ARAP2: variants seen among roughly 807,000 people sequenced by gnomAD.
The protein encoded by ARAP2 is arf-GAP with Rho-GAP domain, ANK repeat and PH domain-containing protein 2.
In ARAP2, 148 loss-of-function variants were observed where a neutral mutation model predicts 194.5. The ratio of observed to expected loss-of-function variants is 0.76; its 90% CI spans 0.67 to 0.87. The LOEUF (loss-of-function observed/expected upper bound fraction) is 0.87. ARAP2 is among the 40% of genes least tolerant of loss of function. The pLI is 0.00. For missense variants in ARAP2, 2,128 were observed against 1,989.7 expected, an observed-to-expected ratio of 1.07 and a Z score of -1.32; for synonymous variants, 695 against 683.5, an observed-to-expected ratio of 1.02 and a Z score of -0.26.
chr4:36,124,858 C>T lies in ARAP2; in HGVS notation c.3746+4G>A. The T allele has an allele frequency of 6.4e-7, 1 of 1,571,762 alleles. No homozygotes were observed. The highest frequency in any genetic ancestry group is 2.3e-5 in the East Asian group (1 of 43,920). On this transcript the variant is annotated splice_donor_region_variant and intron_variant, in intron 22 of 32. Coordinates refer to ENST00000303965, the MANE Select transcript of ARAP2 (RefSeq NM_015230.4). Reference sequence around the variant, plus strand: ...TGTCGAGAAAAGTTCATTCATCTACCCACCTATACAGGTGTTCAATGATAG... The same window carrying T: ...TGTCGAGAAAAGTTCATTCATCTACTCACCTATACAGGTGTTCAATGATAG...
intron 10 of ARAP2, chr4:36,005,504 C>T (rs1216018178): frequency 6.6e-6 from 1 of 151,910 alleles, no homozygotes; most frequent in Non-Finnish European, 1.5e-5. Context: ...ATTCAGGTGG[C>T]TTTATAAGAA....
rs73809127 is a variant in ARAP2, at chr4:36,139,035, T to G, written c.3264-5646A>C. On this transcript the variant is annotated intron_variant, in intron 19 of 32. Coordinates refer to ENST00000303965, the MANE Select transcript of ARAP2 (RefSeq NM_015230.4). ...GTTTTTGTCTTCTAGTTATATGTAT[T>G]CTGTCCATGTTTTGGATATGAGTGC... is the stretch of plus-strand genomic sequence containing the variant. 5.3e-3 allele frequency among the ~76,000 whole-genome samples: 803 copies of G among 151,824 alleles called. 11 individuals carry two copies. The highest frequency in any genetic ancestry group is 0.018 in the African/African-American group (756 of 41,488).
intron 5 of ARAP2, among the ~76,000 whole-genome samples, chr4:36,034,060 T>C (rs1200422308): frequency 6.6e-6 from 1 of 152,158 alleles, no homozygotes; most frequent in African/African-American, 2.4e-5. Flanking sequence ...CAATGTAGTA[T>C]AGTTTGAACT....
In ARAP2 at chr4:36,179,267, G is replaced by A. The variant is rs564093379; in HGVS notation, c.1679-1262C>T. Reference sequence around the variant, plus strand: ...AAATTGAAATACAATGACTAATGAGGAATTAAGGCATTTAGGAGAGTGAAA... The same window carrying A: ...AAATTGAAATACAATGACTAATGAGAAATTAAGGCATTTAGGAGAGTGAAA... On this transcript the variant is annotated intron_variant, in intron 8 of 32. Coordinates refer to ENST00000303965, the MANE Select transcript of ARAP2 (RefSeq NM_015230.4). Among the ~76,000 whole-genome samples the A allele has an allele frequency of 1.1e-4, 16 of 152,256 alleles. No individual in the cohort carries two copies. The East Asian group carries it at 2.9e-3, about 28-fold the overall frequency.
At position 36,114,246 on chromosome 4, in the gene ARAP2, T is replaced by A. The variant is rs749089050; in HGVS notation, c.4080A>T (p.Ile1360=). The change falls in exon 26 of 33, where the codon ATA becomes ATT. Residue 1360 remains isoleucine (I), a synonymous_variant. Transcript: ENST00000303965. ...TAGGAATAATATTTTTTATCGCTAA[T>A]ATATCATTAGTTAATTCTTCTGCTT... ...VMEAEELTND[I]LAIKNIIPTK... 1 of 1,599,478 alleles carries A rather than the reference T, an allele frequency of 6.3e-7. No individual in the cohort carries two copies. Among genetic ancestry groups the A allele is most frequent in the Non-Finnish European group, 8.6e-7 (1 of 1,168,732 alleles).
chr4:36,044,730 C>A (rs1047222274), intron 5 of ARAP2, among the ~76,000 whole-genome samples: 2 of 151,824 alleles, frequency 1.3e-5, no homozygotes, highest in African/African-American at 4.8e-5. Flanking sequence ...TTTTGTATAG[C>A]AAAGTAAACA....
chr4:36,147,965 C>G (rs1019389344), intron 17 of ARAP2, among the ~76,000 whole-genome samples: 1 of 152,050 alleles, frequency 6.6e-6, no homozygotes, highest in Non-Finnish European at 1.5e-5. Context: ...ATTTTTCTTG[C>G]TATGTATAGA....
intron 8 of ARAP2, among the ~76,000 whole-genome samples, chr4:36,185,166 A>AT (rs1435181462): frequency 6.6e-6 from 1 of 152,190 alleles, no homozygotes; most frequent in African/African-American, 2.4e-5. Flanking sequence ...ACAAGACTTT[A>AT]TTTACCAAAA....
rs763206081 is a variant in ARAP2, at chr4:36,082,275, G to A, written c.4520C>T (p.Thr1507Ile). The change falls in exon 30 of 33, where the codon ACC becomes ATC. Residue 1507 changes from threonine to isoleucine, a missense_variant. Thr to Ile is a moderately conservative substitution (Grantham distance 89). Transcript: ENST00000303965. ...CCAGTGATGTTTCTCAGAATATGCG[G>A]TCAATCCCCAGCTGCATCACATAGA... ...KMKPPTSWGL[T>I]AYSEKHHWHL... 1.6e-5 allele frequency: 25 copies of A among 1,610,946 alleles called. No individual in the cohort carries two copies. The highest frequency in any genetic ancestry group is 2.0e-5 in the Non-Finnish European group (23 of 1,178,734).
chr4:36,229,377 T>C lies in ARAP2; in HGVS notation c.110A>G (p.Asp37Gly), dbSNP rs756446807. The C allele has an allele frequency of 5.6e-6, 9 of 1,613,956 alleles. No homozygotes were observed. The Admixed American group carries it at 1.5e-4, about 27-fold the overall frequency. Residue 37 changes from aspartate to glycine, a missense_variant, in exon 2 of 33, where the codon GAC (aspartate) becomes GGC (glycine). Transcript: ENST00000303965. ...FHESGFTTVK[D>G]CAAINDSLLQ... ...CAGGCTGTCATTTATTGCTGCACAG[T>C]CCTTCACAGTAGTAAAACCAGACTC...
At chr4:36,223,548 T>C (rs1475971979) in intron 2 of ARAP2, among the ~76,000 whole-genome samples, 1 of 152,168 alleles carries the variant, frequency 6.6e-6, no homozygotes, top group Non-Finnish European at 1.5e-5. Flanking sequence ...AAAACTATTG[T>C]TGTGAATAAA....
intron 2 of ARAP2, among the ~76,000 whole-genome samples, chr4:36,222,802 T>C (rs1749467901): frequency 1.3e-5 from 2 of 152,160 alleles, no homozygotes; most frequent in Non-Finnish European, 2.9e-5. Context: ...AATTTTCCAA[T>C]TTATAAATAA....
chr4:36,086,260 C>G (rs574140887), intron 28 of ARAP2, among the ~76,000 whole-genome samples: 1 of 152,068 alleles, frequency 6.6e-6, no homozygotes, highest in Admixed American at 6.6e-5. Context: ...CTGAACCAGA[C>G]AGTCTTCATT....
At chr4:36,186,655 C>T (rs886465146) in intron 8 of ARAP2, among the ~76,000 whole-genome samples, 1 of 152,222 alleles carries the variant, frequency 6.6e-6, no homozygotes, top group African/African-American at 2.4e-5. Context: ...GCATCTATAG[C>T]CACCACTGGC....
intron 28 of ARAP2, among the ~76,000 whole-genome samples, chr4:36,084,855 T>C (rs546505413): frequency 6.6e-6 from 1 of 152,026 alleles, no homozygotes; most frequent in Non-Finnish European, 1.5e-5. Context: ...TCATAGTAGA[T>C]AATATGTTTT....
chr4:36,185,804 C>T (rs969029881), intron 8 of ARAP2, among the ~76,000 whole-genome samples: 45 of 151,052 alleles, frequency 3.0e-4, no homozygotes, highest in African/African-American at 1.0e-3. Context: ...GGTGAAACCC[C>T]GTCTCTACTA....
intron 6 of ARAP2, among the ~76,000 whole-genome samples, chr4:36,207,259 GATTT>G (rs1436885722): frequency 6.6e-6 from 1 of 152,170 alleles, no homozygotes; most frequent in East Asian, 1.9e-4. Flanking sequence ...TGAAGAAGAT[GATTT>G]ATTTTAATCC....
chr4:36,107,457 T>C, intron 27 of ARAP2, 108 bp downstream of exon 27: 1 of 1,170,156 alleles, frequency 8.5e-7, no homozygotes, highest in South Asian at 1.8e-5. Flanking sequence ...TCATTCTGTA[T>C]CTAGCTACTC....
intron 5 of ARAP2, among the ~76,000 whole-genome samples, chr4:36,037,672 A>T (rs1316324775): frequency 2.6e-5 from 4 of 152,014 alleles, no homozygotes; most frequent in Non-Finnish European, 5.9e-5. Context: ...GACTGGAGGG[A>T]GGGGCTGGTA....
Sources: gnomAD v4.1 joint callset for allele counts (sites outside exome capture counted in the v4.1 genomes callset) on GRCh38, gnomAD v4.1.1 for gene constraint, MANE v1.5 for transcripts, NCBI Gene and HGNC (gene_info 2026-07-23, HGNC 2026-07-21) for gene names.